Variants in SMARCA2 observed in about 807,000 individuals in gnomAD.
The protein encoded by SMARCA2 is SWI/SNF related BAF chromatin remodeling complex subunit ATPase 2.
Under a neutral mutation model 199.8 loss-of-function variants are expected in SMARCA2, and 61 were observed. The observed-to-expected ratio is 0.31, with a 90% confidence interval of 0.25 to 0.38. The LOEUF (loss-of-function observed/expected upper bound fraction) is 0.38, where lower values mean the gene tolerates loss of function less well. SMARCA2 is among the 10% of genes least tolerant of loss of function. The probability of loss-of-function intolerance (pLI) is 1.00; values close to 1 mark genes in which losing one functional copy is unlikely to be tolerated. For synonymous variants in SMARCA2, 935 were observed against 732.0 expected (o/e 1.28, Z -4.48); for missense variants, 1,344 against 2,012.2 (o/e 0.67, Z 6.35).
intron 5 of SMARCA2, among the ~76,000 whole-genome samples, chr9:2,049,667 GT>G (rs1457715558): frequency 6.6e-6 from 1 of 152,182 alleles, no homozygotes; most frequent in Non-Finnish European, 1.5e-5. Flanking sequence ...TATGGGGCAT[GT>G]TTTGTATTCT....
At chr9:2,162,072 AT>A (rs1462976900) in intron 28 of SMARCA2, among the ~76,000 whole-genome samples, 169 bp downstream of exon 28, 1 of 152,258 alleles carries the variant, frequency 6.6e-6, no homozygotes, top group South Asian at 2.1e-4. Context: ...CACTGTTGCT[AT>A]TTTGTATGAT....
chr9:2,139,834 C>T (rs1038931481), intron 27 of SMARCA2, among the ~76,000 whole-genome samples: 3 of 152,178 alleles, frequency 2.0e-5, no homozygotes, highest in African/African-American at 7.2e-5. Flanking sequence ...TACATCTTAG[C>T]AGAATTCAGG....
chr9:2,171,958 A>G (rs1826270390), intron 29 of SMARCA2, among the ~76,000 whole-genome samples: 2 of 152,222 alleles, frequency 1.3e-5, no homozygotes, highest in South Asian at 2.1e-4. Context: ...ACATGACGGT[A>G]TATGGTTAGG....
chr9:2,170,381 G>C lies in SMARCA2; in HGVS notation c.4200-38G>C. On this transcript the variant is annotated intron_variant, in intron 28 of 33. Transcript: ENST00000349721. The surrounding 1 kb of genome is among the most constrained non-coding windows in gnomAD (Gnocchi z 4.7). ...GGAGCCGGGCGGGGACGAGAACCCA[G>C]GTCTTCTGACTCTAGTGTTCTTTCT... The C allele has an allele frequency of 1.2e-6, 2 of 1,613,678 alleles. No homozygotes were observed. Among genetic ancestry groups the C allele is most frequent in the South Asian group, 1.1e-5 (1 of 91,034 alleles).
rs200896065 is a variant in SMARCA2 at position 2,186,330 on chromosome 9, G to GT, written c.4594+102_4594+103insT. On this transcript the variant is annotated intron_variant, in intron 32 of 33. Coordinates refer to ENST00000349721, the MANE Select transcript of SMARCA2 (RefSeq NM_003070.5). ...AGAGACTTTAGAGTGGGGCAGATCT[G>GT]GATTGGAGCCCTTATTCCACTTTGT... 5,337 of 1,244,056 alleles carry GT rather than the reference G, an allele frequency of 4.3e-3. 181 individuals are homozygous for GT. The African/African-American group carries it at 0.072, about 17-fold the overall frequency. 77.1% of individuals were successfully genotyped at this position (1,244,056 alleles called of 1,614,324 possible).
In SMARCA2 at chr9:2,076,297, A is replaced by T; in HGVS notation, c.2004A>T (p.Glu668Asp). The change falls in exon 13 of 34, where the codon GAA becomes GAT. Residue 668 changes from glutamate to aspartate, a missense_variant. Coordinates refer to ENST00000349721, the MANE Select transcript of SMARCA2 (RefSeq NM_003070.5). ...EKILLDPNSE[E>D]VSEKDAKQII... ...TACTCCTGGATCCAAATAGCGAAGA[A>T]GTTTCTGAGAAGGATGCTAAGCAGA... 6.2e-7 allele frequency: 1 copy of T among 1,610,880 alleles called. No individual in the cohort carries two copies. Among genetic ancestry groups the T allele is most frequent in the South Asian group, 1.1e-5 (1 of 90,998 alleles).
intron 14 of SMARCA2, among the ~76,000 whole-genome samples, chr9:2,081,110 G>A (rs1821548205): frequency 6.6e-6 from 1 of 152,214 alleles, no homozygotes; most frequent in Non-Finnish European, 1.5e-5. Flanking sequence ...TCCAGCATCT[G>A]TGGTATGATG....
chr9:2,084,052 A>C, intron 16 of SMARCA2, 34 bp from the exon 17 acceptor site: 1 of 1,136,208 alleles, frequency 8.8e-7, no homozygotes, highest in South Asian at 1.3e-5. Flanking sequence ...ATATGTCCAT[A>C]GGATCATGCA....
intron 30 of SMARCA2, 85 bp from the exon 31 acceptor site, chr9:2,182,056 A>G: frequency 1.1e-6 from 1 of 908,360 alleles, no homozygotes; most frequent in Admixed American, 1.7e-5. Context: ...AGACAAAGGG[A>G]AAATCAGGCT....
intron 27 of SMARCA2, chr9:2,158,854 G>C: frequency 7.7e-7 from 1 of 1,294,176 alleles, no homozygotes; most frequent in East Asian, 2.5e-5. Context: ...ATTAGAAAAA[G>C]ACCCTTAGAA....
At chr9:2,032,295 T>G (rs891362302) in intron 2 of SMARCA2, among the ~76,000 whole-genome samples, 1 of 152,254 alleles carries the variant, frequency 6.6e-6, no homozygotes, top group African/African-American at 2.4e-5. Context: ...TTATTGCATG[T>G]CTGTCACGTA....
At chr9:2,118,224 A>C (rs1823297337) in intron 25 of SMARCA2, among the ~76,000 whole-genome samples, 1 of 152,364 alleles carries the variant, frequency 6.6e-6, no homozygotes, top group African/African-American at 2.4e-5. Flanking sequence ...ACCCACTCCC[A>C]GCTAGTCTGT....
intron 27 of SMARCA2, among the ~76,000 whole-genome samples, chr9:2,153,921 A>T (rs1177682767): frequency 6.6e-6 from 1 of 152,166 alleles, no homozygotes; most frequent in Admixed American, 6.5e-5. Flanking sequence ...TTTTACTTGA[A>T]TTATTCACCT....
chr9:2,047,628 G>A lies in SMARCA2; in HGVS notation c.1046+144G>A, dbSNP rs974552409. On this transcript the variant is annotated intron_variant, in intron 5 of 33. Transcript: ENST00000349721. ...CGGAAAACTTTCATCCACTCCTGGGGCCTTCCCGGTGCTGAGGGGAGGCAC... is the reference window on the plus strand; with the variant it reads ...CGGAAAACTTTCATCCACTCCTGGGACCTTCCCGGTGCTGAGGGGAGGCAC... 2.0e-5 allele frequency: 21 copies of A among 1,035,244 alleles called. No individual in the cohort carries two copies. In the African/African-American group the frequency reaches 2.9e-4, roughly 14 times the overall value. 64.1% of individuals were successfully genotyped at this position (1,035,244 alleles called of 1,614,324 possible).
chr9:2,120,669 T>C (rs1282938651), intron 26 of SMARCA2, among the ~76,000 whole-genome samples: 4 of 152,112 alleles, frequency 2.6e-5, no homozygotes, highest in Non-Finnish European at 4.4e-5. Context: ...TCTGGGAACA[T>C]TGATTGTATA....
chr9:2,033,208 C>G, intron 3 of SMARCA2, 127 bp downstream of exon 3: 2 of 1,039,342 alleles, frequency 1.9e-6, no homozygotes, highest in Non-Finnish European at 1.4e-6. Flanking sequence ...GGTTTCTTTT[C>G]CTTATGGAAA....
chr9:2,069,927 G>C (rs1364015570), intron 9 of SMARCA2, among the ~76,000 whole-genome samples: 1 of 152,092 alleles, frequency 6.6e-6, no homozygotes, highest in East Asian at 1.9e-4. Flanking sequence ...TTCAGCTCTT[G>C]CCCCACTCCC....
chr9:2,155,575 G>T (rs969424341), intron 27 of SMARCA2, among the ~76,000 whole-genome samples: 2 of 151,966 alleles, frequency 1.3e-5, no homozygotes, highest in Non-Finnish European at 2.9e-5. Flanking sequence ...GCCACTGCGC[G>T]GGGGCATTTT....
intron 29 of SMARCA2, among the ~76,000 whole-genome samples, chr9:2,171,174 A>T (rs556535666): frequency 6.4e-4 from 97 of 152,350 alleles, no homozygotes; most frequent in South Asian, 5.6e-3. Context: ...TGTGCATGAT[A>T]CGCCAAGGCT....
Sources: gnomAD v4.1 joint callset for allele counts (sites outside exome capture counted in the v4.1 genomes callset) on GRCh38, gnomAD v4.1.1 for gene constraint, Gnocchi (gnomAD v3.1) non-coding constraint, MANE v1.5 for transcripts, NCBI Gene and HGNC (gene_info 2026-07-23, HGNC 2026-07-21) for gene names.